Variants in OTULIN observed in about 807,000 individuals in gnomAD.
OTULIN encodes OTU deubiquitinase with linear linkage specificity.
A neutral mutation model predicts 39.6 loss-of-function variants in OTULIN; 15 were observed. The observed-to-expected ratio is 0.38, with a 90% CI of 0.25 to 0.58. The LOEUF (loss-of-function observed/expected upper bound fraction) is 0.58, where lower values mean the gene tolerates loss of function less well. Among genes scored for constraint, OTULIN ranks in the 20% least tolerant of loss-of-function variants. The pLI, the probability that OTULIN is intolerant of heterozygous loss-of-function variation, is 0.66. For synonymous variants in OTULIN, 156 were observed against 170.3 expected, an observed-to-expected ratio of 0.92 and a Z score of 0.65; for missense variants, 319 against 445.9, an observed-to-expected ratio of 0.72 and a Z score of 2.56.
At chr5:14,692,356 A>AC (rs774198415) in intron 6 of OTULIN, among the ~76,000 whole-genome samples, 2 of 152,300 alleles carry the variant, frequency 1.3e-5, no homozygotes, top group East Asian at 3.9e-4. Context: ...AAAACATGTC[A>AC]CCCCCAAAGA....
rs552758124 is a variant in OTULIN, at chr5:14,669,260, G to A, written c.152+4283G>A. On this transcript the variant is annotated intron_variant, in intron 1 of 6. Coordinates refer to ENST00000284274, the MANE Select transcript of OTULIN (RefSeq NM_138348.6). ...GACGCCTGTAATCCCAGTTACTCAG[G>A]CGTCTGAGGCAGGAGAATTGCTTGA... 7.9e-5 allele frequency among the ~76,000 whole-genome samples: 12 copies of A among 152,206 alleles called. No individual in the cohort carries two copies. In the East Asian group the frequency reaches 1.5e-3, roughly 20 times the overall value.
chr5:14,713,012 C>T, the OTULIN span: 1 of 1,583,764 alleles, frequency 6.3e-7, no homozygotes, highest in Non-Finnish European at 8.6e-7. This position sits in a 1 kb window ranked among gnomAD's most constrained non-coding sequence, Gnocchi z 4.4. Context: ...TCTGTTAAGG[C>T]CAAGTCAAGG....
At chr5:14,684,512 C>T (rs1736336379) in intron 4 of OTULIN, among the ~76,000 whole-genome samples, 1 of 152,222 alleles carries the variant, frequency 6.6e-6, no homozygotes, top group African/African-American at 2.4e-5. Context: ...GCCCGCAGAC[C>T]CTCCTGTGGA....
downstream of OTULIN, among the ~76,000 whole-genome samples, chr5:14,701,022 A>T (rs1736786536): frequency 6.6e-6 from 1 of 152,190 alleles, no homozygotes; most frequent in Non-Finnish European, 1.5e-5. Flanking sequence ...GAGGGAGCCA[A>T]GACAGGGAGG....
intron 2 of OTULIN, among the ~76,000 whole-genome samples, chr5:14,676,113 G>A (rs906282843): frequency 6.6e-6 from 1 of 152,082 alleles, no homozygotes; most frequent in African/African-American, 2.4e-5. Flanking sequence ...GCTTTCCGGA[G>A]GGGTTTCAGT....
rs923731055 is a variant in OTULIN, at chr5:14,696,532, A to G, written c.*3484A>G. On this transcript the variant is annotated 3_prime_UTR_variant, in exon 7 of 7. Transcript: ENST00000284274. ...CATAGAATTCCCAAATAGTTTAGCA[A>G]AGGCAGGGCGCAATATCAAGTAATT... The G allele has an allele frequency of 2.0e-5, 3 of 152,228 alleles. No homozygotes were observed. The highest frequency in any genetic ancestry group is 7.2e-5 in the African/African-American group (3 of 41,466). The allele number at this position is 152,228 out of a possible 1,614,324, so 9.4% of individuals were successfully genotyped here.
rs756870978 is a variant in OTULIN at position 14,681,606 on chromosome 5, T to C, written c.467T>C (p.Leu156Pro). Residue 156 changes from leucine (L) to proline (P), a missense_variant and splice_region_variant, in exon 4 of 7, where the codon CTG (leucine) becomes CCG (proline). Leu to Pro is a moderately conservative substitution (Grantham distance 98). This residue lies in a region of OTULIN where 54 missense variants were observed against 50.7 expected (regional missense o/e 1.07). Coordinates refer to ENST00000284274, the MANE Select transcript of OTULIN (RefSeq NM_138348.6). ...PPWLQDPELMLLPEKLISKYN... is the reference protein window; with the variant it reads ...PPWLQDPELMPLPEKLISKYN... ...TGGCTGCAGGACCCGGAGCTCATGCTGGTACGCTGCTGCTGCAGGTTTGAG... is the reference window on the plus strand; with the variant it reads ...TGGCTGCAGGACCCGGAGCTCATGCCGGTACGCTGCTGCTGCAGGTTTGAG... 1 of 1,601,084 alleles carries C rather than the reference T, an allele frequency of 6.2e-7. No individual in the cohort carries two copies. Among genetic ancestry groups the C allele is most frequent in the South Asian group, 1.1e-5 (1 of 88,306 alleles).
chr5:14,679,172 A>G (rs1481307075), intron 3 of OTULIN, among the ~76,000 whole-genome samples: 1 of 151,812 alleles, frequency 6.6e-6, no homozygotes, highest in African/African-American at 2.4e-5. Flanking sequence ...TTGCTTACAC[A>G]CCCTCTGGTC....
intron 4 of OTULIN, among the ~76,000 whole-genome samples, chr5:14,685,945 G>A (rs1736377401): frequency 6.6e-6 from 1 of 152,210 alleles, no homozygotes; most frequent in Non-Finnish European, 1.5e-5. Flanking sequence ...ACATGTTGCC[G>A]AAACGCAGGG....
At chr5:14,708,184 G>C in the OTULIN span, 7 of 152,206 alleles carry the variant, frequency 4.6e-5, no homozygotes, top group African/African-American at 1.7e-4. Context: ...CGTCCCTTGT[G>C]CTACTCAAAC....
At chr5:14,709,640 T>G in the OTULIN span, 2 of 152,442 alleles carry the variant, frequency 1.3e-5, no homozygotes, top group Non-Finnish European at 2.9e-5. Flanking sequence ...CTATTCCTAC[T>G]CCAGTGACCC....
downstream of OTULIN, among the ~76,000 whole-genome samples, chr5:14,703,180 G>C (rs1258654121): frequency 6.6e-6 from 1 of 152,078 alleles, no homozygotes; most frequent in Non-Finnish European, 1.5e-5. Context: ...TTTGTTTAAA[G>C]CCCAGTGTAT....
chr5:14,683,991 G>T (rs1736323283), intron 4 of OTULIN, among the ~76,000 whole-genome samples: 1 of 152,160 alleles, frequency 6.6e-6, no homozygotes, highest in South Asian at 2.1e-4. Flanking sequence ...TGTGAGTGAT[G>T]GGGTTTTAAG....
the OTULIN span, chr5:14,712,894 AC>A: frequency 6.2e-7 from 1 of 1,612,078 alleles, no homozygotes; most frequent in East Asian, 2.2e-5. Flanking sequence ...TAGACATAGC[AC>A]GCAGCGATGG....
At chr5:14,680,457 G>A (rs1031649112) in intron 3 of OTULIN, among the ~76,000 whole-genome samples, 1 of 152,202 alleles carries the variant, frequency 6.6e-6, no homozygotes, top group Non-Finnish European at 1.5e-5. Context: ...TTCTGTGAGT[G>A]CAGGGTAGGA....
intron 5 of OTULIN, chr5:14,687,937 A>C: frequency 5.0e-6 from 1 of 201,118 alleles, no homozygotes; most frequent in African/African-American, 2.3e-5. Flanking sequence ...TCCAAGTCAT[A>C]TTTATGTTTC....
chr5:14,685,121 C>T (rs745695323), intron 4 of OTULIN, among the ~76,000 whole-genome samples: 7 of 152,174 alleles, frequency 4.6e-5, no homozygotes, highest in African/African-American at 7.2e-5. Flanking sequence ...TTTCCAAGTT[C>T]GTTACATTTT....
At chr5:14,715,022 C>A in the OTULIN span, among the ~76,000 whole-genome samples, 1 of 152,246 alleles carries the variant, frequency 6.6e-6, no homozygotes, top group Non-Finnish European at 1.5e-5. Flanking sequence ...GTGCTGTGAT[C>A]TTCCAGCCAT....
chr5:14,666,115 T>TG (rs1341710809), intron 1 of OTULIN, among the ~76,000 whole-genome samples: 1 of 152,186 alleles, frequency 6.6e-6, no homozygotes, highest in African/African-American at 2.4e-5. Context: ...CCTTCTACCC[T>TG]GGTGGTGAGA....
Sources: allele counts gnomAD v4.1 joint callset (sites outside exome capture counted in the v4.1 genomes callset), GRCh38; gene constraint gnomAD v4.1.1; regional missense constraint gnomAD v4.1.1; non-coding constraint Gnocchi (gnomAD v3.1); transcripts MANE v1.5; gene names NCBI Gene and HGNC (gene_info 2026-07-23, HGNC 2026-07-21).